Variants in ARL17B observed in about 807,000 individuals in gnomAD.
The protein encoded by ARL17B is ARF like GTPase 17B, also known as ADP-ribosylation factor-like protein 17.
chr17:46,290,724 G>A (rs1274632869), intron 4 of ARL17B, among the ~76,000 whole-genome samples: 2 of 152,260 alleles, frequency 1.3e-5, no homozygotes, highest in Non-Finnish European at 2.9e-5. Context: ...TGGGATTATA[G>A]GCATGAGCCA....
intron 4 of ARL17B, among the ~76,000 whole-genome samples, chr17:46,292,356 G>A (rs200371489): frequency 5.1e-5 from 4 of 78,084 alleles, no homozygotes; most frequent in Admixed American, 2.7e-4. Flanking sequence ...AAAAGAAAAG[G>A]AAAACAACTC....
At position 46,278,496 on chromosome 17, in the gene ARL17B, C is replaced by G. The variant is rs181548576; in HGVS notation, c.*22-3078G>C. Among the ~76,000 whole-genome samples, 4 of 152,030 alleles carry G rather than the reference C, an allele frequency of 2.6e-5. No homozygotes were observed. The East Asian group carries it at 7.8e-4, about 29-fold the overall frequency. Reference sequence around the variant, plus strand: ...CTCAGCTCACTGCAACCTCCACCTCCTGGGTTCAAGCGATTTTCCACCTCA... The same window carrying G: ...CTCAGCTCACTGCAACCTCCACCTCGTGGGTTCAAGCGATTTTCCACCTCA... On this transcript the variant is annotated intron_variant, in intron 4 of 4. Transcript: ENST00000570618.
chr17:46,279,707 G>A (rs1175696752), intron 4 of ARL17B, among the ~76,000 whole-genome samples: 4 of 151,766 alleles, frequency 2.6e-5, no homozygotes, highest in Admixed American at 2.6e-4. Flanking sequence ...TGTTGCCCGG[G>A]CTGGTCTAGA....
intron 4 of ARL17B, among the ~76,000 whole-genome samples, chr17:46,285,499 A>G (rs2732620): frequency 2.0e-5 from 3 of 150,964 alleles, no homozygotes; most frequent in Non-Finnish European, 4.4e-5. Context: ...CTCAGCCCCC[A>G]CAAAGTGCTG....
intron 4 of ARL17B, among the ~76,000 whole-genome samples, chr17:46,289,383 A>G (rs1329964551): frequency 6.6e-6 from 1 of 152,032 alleles, no homozygotes; most frequent in Non-Finnish European, 1.5e-5. Flanking sequence ...TGTGTTGCCC[A>G]GGTAACTTAC....
exon 5 of ARL17B, chr17:46,275,285 C>T (rs2049556843): frequency 1.7e-6 from 1 of 598,218 alleles, no homozygotes; most frequent in Non-Finnish European, 2.8e-6. Context: ...CAAGTCTTGT[C>T]AGGATAGCCT....
In ARL17B at chr17:46,317,066, C is replaced by T. The variant is rs1356230332; in HGVS notation, c.260-17401G>A. On this transcript the variant is annotated intron_variant, in intron 3 of 4. Transcript: ENST00000434041. ...TTCTGTATCTTTTCCCCACATTTCC[C>T]CCTTTTCTATTCAACAAAACCGCCA... Among the ~76,000 whole-genome samples, 31 of 87,222 alleles carry T rather than the reference C, an allele frequency of 3.6e-4. 9 individuals are homozygous for T. In the Admixed American group the frequency reaches 3.7e-3, roughly 10 times the overall value. 57.2% of individuals were successfully genotyped at this position (87,222 alleles called of 152,430 possible). A position where few individuals can be genotyped will look rare whatever the true frequency, so the allele number is the denominator to read the frequency against.
exon 5 of ARL17B, chr17:46,275,126 A>C: frequency 8.2e-6 from 2 of 243,820 alleles, no homozygotes; most frequent in Non-Finnish European, 1.5e-5. Context: ...TCCCGACCTC[A>C]GATGATCCGC....
At chr17:46,281,896 G>A (rs1177362916) in intron 4 of ARL17B, among the ~76,000 whole-genome samples, 3 of 152,220 alleles carry the variant, frequency 2.0e-5, no homozygotes, top group East Asian at 3.9e-4. Flanking sequence ...CACCCGCCTC[G>A]GCCTCCCAAA....
At chr17:46,289,344 C>CTTT (rs1028918590) in intron 4 of ARL17B, among the ~76,000 whole-genome samples, 2 of 149,938 alleles carry the variant, frequency 1.3e-5, no homozygotes, top group African/African-American at 2.5e-5. Flanking sequence ...TGCCCAGCTA[C>CTTT]TTTTTTTTTT....
At chr17:46,280,975 T>G (rs951939446) in intron 4 of ARL17B, among the ~76,000 whole-genome samples, 2 of 152,222 alleles carry the variant, frequency 1.3e-5, no homozygotes, top group Non-Finnish European at 2.9e-5. Context: ...ACTGTTTGGC[T>G]GCACATAGAC....
In ARL17B at chr17:46,307,944, G is replaced by A. The variant is rs1490922222; in HGVS notation, c.260-8279C>T. Reference sequence around the variant, plus strand: ...GGAGAATCACTTGAAACCAGGAGGCGGAGGTTGCAGTGAGCCGAGATGGCA... The same window carrying A: ...GGAGAATCACTTGAAACCAGGAGGCAGAGGTTGCAGTGAGCCGAGATGGCA... On this transcript the variant is annotated intron_variant, in intron 3 of 4. Transcript: ENST00000434041. Among the ~76,000 whole-genome samples the A allele has an allele frequency of 2.7e-5, 2 of 74,844 alleles. 1 individual carries two copies. Among genetic ancestry groups the A allele is most frequent in the East Asian group, 5.1e-4 (2 of 3,916 alleles). The allele number at this position is 74,844 out of a possible 152,430, so 49.1% of individuals were successfully genotyped here. A position where few individuals can be genotyped will look rare whatever the true frequency, so the allele number is the denominator to read the frequency against.
chr17:46,326,655 G>A (rs1401487872), intron 3 of ARL17B, among the ~76,000 whole-genome samples: 1 of 4,118 alleles, frequency 2.4e-4, no homozygotes, highest in Non-Finnish European at 5.5e-4. Flanking sequence ...CATTTTTCAG[G>A]TATTGATTCA....
At chr17:46,282,550 G>A (rs1011467774) in intron 4 of ARL17B, among the ~76,000 whole-genome samples, 4 of 151,844 alleles carry the variant, frequency 2.6e-5, no homozygotes, top group East Asian at 1.9e-4. Context: ...AAGTAGCTGG[G>A]ACTATAGGCA....
chr17:46,340,953 C>G (rs1202973163), intron 3 of ARL17B, among the ~76,000 whole-genome samples: 8 of 75,772 alleles, frequency 1.1e-4, no homozygotes, highest in Non-Finnish European at 2.1e-4. Flanking sequence ...GTTGCCCAGG[C>G]TGGTTTTGAA....
intron 3 of ARL17B, among the ~76,000 whole-genome samples, chr17:46,316,575 A>G (rs2051121879): frequency 1.5e-5 from 1 of 68,356 alleles, no homozygotes; most frequent in Non-Finnish European, 4.2e-5. Context: ...AGCTGAGACT[A>G]CAGGCATGCA....
chr17:46,291,256 C>T (rs2050058544), intron 4 of ARL17B, among the ~76,000 whole-genome samples: 1 of 152,214 alleles, frequency 6.6e-6, no homozygotes, highest in East Asian at 1.9e-4. Context: ...CTTTGATCCT[C>T]CCTCTCCCTT....
chr17:46,285,545 TTCTG>T (rs1454350528), intron 4 of ARL17B, among the ~76,000 whole-genome samples: 3 of 152,216 alleles, frequency 2.0e-5, no homozygotes, highest in African/African-American at 7.2e-5. Flanking sequence ...CCAGCCACCT[TTCTG>T]TCTTTCATAA....
intron 4 of ARL17B, among the ~76,000 whole-genome samples, chr17:46,290,522 C>A (rs1358051742): frequency 5.9e-5 from 9 of 152,256 alleles, no homozygotes; most frequent in Non-Finnish European, 1.3e-4. Context: ...TCTCGGCTCA[C>A]TGCAACCTCC....
Sources: allele counts gnomAD v4.1 joint callset (sites outside exome capture counted in the v4.1 genomes callset), GRCh38; gene constraint gnomAD v4.1.1; transcripts MANE v1.5; gene names NCBI Gene and HGNC (gene_info 2026-07-23, HGNC 2026-07-21).